Variants in DCX observed in about 807,000 individuals in gnomAD.
DCX encodes doublecortin, also known as neuronal migration protein doublecortin.
DCX carries 4 observed loss-of-function variants against 20.9 expected under a neutral mutation model. The ratio of observed to expected loss-of-function variants is 0.19; its 90% confidence interval spans 0.09 to 0.44. The LOEUF is 0.44. Among genes scored for constraint, DCX ranks in the 20% least tolerant of loss-of-function variants. The pLI is 0.99. For synonymous variants in DCX, 103 were observed against 111.4 expected (o/e 0.92, Z 0.47); for missense variants, 133 against 296.9 (o/e 0.45, Z 4.06).
chrX:111,381,411 C>T (rs191955254), intron 3 of DCX, among the ~76,000 whole-genome samples: 26 of 109,983 alleles, frequency 2.4e-4, no homozygotes, highest in African/African-American at 7.9e-4. Flanking sequence ...AATTGGGACA[C>T]TAAACAGAAT....
intron 5 of DCX, 73 bp from the exon 6 acceptor site, chrX:111,312,809 A>G: frequency 1.0e-6 from 1 of 980,623 alleles, no homozygotes; most frequent in Non-Finnish European, 1.4e-6. Flanking sequence ...CCTTCCCCTC[A>G]GAAGACACTA....
intron 3 of DCX, among the ~76,000 whole-genome samples, chrX:111,389,165 A>C (rs1043812798): frequency 2.7e-5 from 3 of 111,610 alleles, no homozygotes; most frequent in African/African-American, 9.8e-5. Flanking sequence ...GGACTATTCA[A>C]ATCATCTGGA....
intron 5 of DCX, among the ~76,000 whole-genome samples, chrX:111,326,622 T>G (rs1384160759): frequency 8.9e-6 from 1 of 111,897 alleles, no homozygotes; most frequent in Non-Finnish European, 1.9e-5. Flanking sequence ...TGACTTGGAT[T>G]CTAAGAGTCC....
Position 111,323,462 on chromosome X carries a change from T to G in DCX, c.946+7442A>C, listed in dbSNP as rs376088149. On this transcript the variant is annotated intron_variant, in intron 5 of 6. Transcript: ENST00000636035. ...ACCACTACTAGCACTGAGTAAGTATTCAATTTATAGGCACTGAGTTAGGAA... is the reference window on the plus strand; with the variant it reads ...ACCACTACTAGCACTGAGTAAGTATGCAATTTATAGGCACTGAGTTAGGAA... Among the ~76,000 whole-genome samples the G allele has an allele frequency of 1.5e-3, 169 of 111,515 alleles. 9 individuals are homozygous for G. The South Asian group carries it at 0.063, about 41-fold the overall frequency.
At chrX:111,358,463 C>A (rs930392933) in intron 3 of DCX, among the ~76,000 whole-genome samples, 1 of 111,781 alleles carries the variant, frequency 8.9e-6, no homozygotes, top group African/African-American at 3.3e-5. Flanking sequence ...ACATGATAAC[C>A]ATATTCAAAC....
At chrX:111,352,123 C>T (rs1348146651) in intron 3 of DCX, among the ~76,000 whole-genome samples, 1 of 111,406 alleles carries the variant, frequency 9.0e-6, no homozygotes, top group African/African-American at 3.3e-5. Flanking sequence ...TGTAACAACT[C>T]GGAGGAGGGG....
chrX:111,372,003 G>C (rs1403022897), intron 3 of DCX, among the ~76,000 whole-genome samples: 1 of 110,294 alleles, frequency 9.1e-6, no homozygotes, highest in Non-Finnish European at 1.9e-5. Context: ...TTCAGTTATA[G>C]AGTCCAAATG....
chrX:111,347,342 A>AC (rs1033900738), intron 3 of DCX, among the ~76,000 whole-genome samples: 1 of 110,603 alleles, frequency 9.0e-6, no homozygotes, highest in African/African-American at 3.3e-5. Flanking sequence ...ACACAATGTC[A>AC]CCCCCCTTCC....
intron 3 of DCX, among the ~76,000 whole-genome samples, chrX:111,373,051 CAATGA>C (rs200014473): frequency 0.028 from 2,991 of 107,748 alleles, 50 homozygotes; most frequent in Middle Eastern, 0.066. Context: ...GCTGATAACA[CAATGA>C]AATGAAATGA....
At chrX:111,405,912 G>A (rs188453233) in intron 2 of DCX, among the ~76,000 whole-genome samples, 280 of 111,170 alleles carry the variant, frequency 2.5e-3, no homozygotes, top group Middle Eastern at 0.014. Flanking sequence ...GCAGAAAACC[G>A]TAGACAAGAG....
intron 2 of DCX, among the ~76,000 whole-genome samples, chrX:111,407,613 CA>C (rs1226046498): frequency 2.7e-5 from 3 of 111,662 alleles, no homozygotes; most frequent in Non-Finnish European, 5.6e-5. Context: ...GCCCTATTCA[CA>C]CTTCACATAG....
At chrX:111,311,685 C>G (rs905908751) in intron 6 of DCX, among the ~76,000 whole-genome samples, 1 of 112,202 alleles carries the variant, frequency 8.9e-6, no homozygotes, top group African/African-American at 3.2e-5. Flanking sequence ...AACCTTTTGG[C>G]TCTCAATTTC....
Position 111,374,486 on chromosome X carries a change from A to G in DCX, c.705+26504T>C, listed in dbSNP as rs1273022394. ...TATACTCACATACGCTACTGTTCAGATCCTGGGCATGTTTTCCCTCAGATC... is the reference window on the plus strand; with the variant it reads ...TATACTCACATACGCTACTGTTCAGGTCCTGGGCATGTTTTCCCTCAGATC... On this transcript the variant is annotated intron_variant, in intron 3 of 6. Transcript: ENST00000636035. Among the ~76,000 whole-genome samples the G allele has an allele frequency of 2.7e-5, 3 of 111,496 alleles. No homozygotes were observed. In the East Asian group the frequency reaches 8.5e-4, roughly 32 times the overall value.
chrX:111,378,472 A>G (rs73545296), intron 3 of DCX, among the ~76,000 whole-genome samples: 1,561 of 111,840 alleles, frequency 0.014, 29 homozygotes, highest in African/African-American at 0.047. Context: ...ACTGCAAAAT[A>G]CTGGTTTATG....
rs188521278 is a variant in DCX, at chrX:111,299,931, C to T, written c.*1756G>A. 1 of 110,952 alleles carries T rather than the reference C, an allele frequency of 9.0e-6. No homozygotes were observed. The highest frequency in any genetic ancestry group is 3.3e-5 in the African/African-American group (1 of 30,416). The allele number at this position is 110,952 out of a possible 1,213,427, so 9.1% of individuals were successfully genotyped here. A position where few individuals can be genotyped will look rare whatever the true frequency, so the allele number is the denominator to read the frequency against. On this transcript the variant is annotated 3_prime_UTR_variant, in exon 7 of 7. Coordinates refer to ENST00000636035, the MANE Select transcript of DCX (RefSeq NM_001195553.2). ...CACATCAGCAGTGCCACCCAGTTGCCACCAATCCATTACAGGGGTGTCCTG... is the reference window on the plus strand; with the variant it reads ...CACATCAGCAGTGCCACCCAGTTGCTACCAATCCATTACAGGGGTGTCCTG...
At chrX:111,325,634 A>G (rs1270351794) in intron 5 of DCX, among the ~76,000 whole-genome samples, 1 of 112,134 alleles carries the variant, frequency 8.9e-6, no homozygotes, top group Admixed American at 9.5e-5. Flanking sequence ...TGCTGTTTAA[A>G]ACAGTAGCCA....
chrX:111,327,803 G>T (rs1247305139), intron 5 of DCX, among the ~76,000 whole-genome samples: 3 of 112,082 alleles, frequency 2.7e-5, no homozygotes, highest in African/African-American at 9.7e-5. Flanking sequence ...CTTTAGCTAA[G>T]GTACTGTTTT....
At chrX:111,332,036 A>G (rs991108441) in intron 4 of DCX, among the ~76,000 whole-genome samples, 1 of 112,508 alleles carries the variant, frequency 8.9e-6, no homozygotes, top group Non-Finnish European at 1.9e-5. Context: ...TCCTTTAAAC[A>G]CTTTCTTGTT....
intron 3 of DCX, among the ~76,000 whole-genome samples, chrX:111,351,954 G>A (rs1382160878): frequency 9.0e-6 from 1 of 111,605 alleles, no homozygotes; most frequent in African/African-American, 3.3e-5. Flanking sequence ...GGAACTCCTG[G>A]GCTCATGCAG....
Sources: allele counts gnomAD v4.1 joint callset (sites outside exome capture counted in the v4.1 genomes callset), GRCh38; gene constraint gnomAD v4.1.1; transcripts MANE v1.5; gene names NCBI Gene and HGNC (gene_info 2026-07-23, HGNC 2026-07-21).